Variants in C1QTNF3 observed in about 807,000 individuals in gnomAD.
C1QTNF3 encodes the protein complement C1q tumor necrosis factor-related protein 3.
In C1QTNF3, 26 loss-of-function variants were observed where a neutral mutation model predicts 32.6. That is an observed-to-expected ratio of 0.80 (90% CI 0.58 to 1.11). The LOEUF (loss-of-function observed/expected upper bound fraction) is 1.11. C1QTNF3 is among the 50% of genes least tolerant of loss of function. The pLI, the probability that C1QTNF3 is intolerant of heterozygous loss-of-function variation, is 0.00. For synonymous variants in C1QTNF3, 155 were observed against 146.0 expected, an observed-to-expected ratio of 1.06 and a Z score of -0.44; for missense variants, 362 against 398.2, an observed-to-expected ratio of 0.91 and a Z score of 0.77.
chr5:34,224,337 T>C, the C1QTNF3 span, among the ~76,000 whole-genome samples: 10 of 152,276 alleles, frequency 6.6e-5, no homozygotes, highest in African/African-American at 2.4e-4. Flanking sequence ...AGAGCCCGCA[T>C]CGCCAAGTCA....
chr5:34,154,620 A>T, the C1QTNF3 span, among the ~76,000 whole-genome samples: 3 of 152,304 alleles, frequency 2.0e-5, no homozygotes, highest in East Asian at 3.9e-4. Context: ...ACACATTTGA[A>T]ATGACTTTGT....
chr5:34,241,054 T>C, the C1QTNF3 span, among the ~76,000 whole-genome samples: 1 of 151,888 alleles, frequency 6.6e-6, no homozygotes, highest in Non-Finnish European at 1.5e-5. Flanking sequence ...GGAAAAGCTT[T>C]CAATTAAATC....
the C1QTNF3 span, among the ~76,000 whole-genome samples, chr5:34,154,944 C>A: frequency 6.6e-6 from 1 of 152,112 alleles, no homozygotes; most frequent in East Asian, 1.9e-4. Context: ...CAATGCTAAT[C>A]AATTTAAATA....
the C1QTNF3 span, among the ~76,000 whole-genome samples, chr5:34,240,918 C>G: frequency 2.6e-5 from 4 of 152,104 alleles, no homozygotes; most frequent in Non-Finnish European, 1.5e-5. Flanking sequence ...AAAAATTAAT[C>G]TACTATGACA....
the C1QTNF3 span, among the ~76,000 whole-genome samples, chr5:34,140,244 A>G: frequency 7.9e-5 from 12 of 152,326 alleles, no homozygotes; most frequent in African/African-American, 2.6e-4. Flanking sequence ...GGCAGACTGT[A>G]CCAGTAATTC....
At chr5:34,047,429 T>G (rs564543653), upstream of C1QTNF3, among the ~76,000 whole-genome samples, 23 of 152,276 alleles carry the variant, frequency 1.5e-4, 1 homozygote, top group South Asian at 4.3e-3. Context: ...TCCCCCATGG[T>G]GCTTCACTGT....
At chr5:34,095,092 G>C in the C1QTNF3 span, among the ~76,000 whole-genome samples, 5 of 151,606 alleles carry the variant, frequency 3.3e-5, no homozygotes, top group African/African-American at 1.2e-4. Flanking sequence ...AGTAGAATAG[G>C]GTGACTATAG....
chr5:34,021,048 T>C (rs840384), intron 5 of C1QTNF3, among the ~76,000 whole-genome samples: 64,462 of 152,040 alleles, frequency 0.42, 14,351 homozygotes, highest in South Asian at 0.65. Flanking sequence ...CTCTCTCTCT[T>C]CTCTGCTCCA....
the C1QTNF3 span, among the ~76,000 whole-genome samples, chr5:34,159,834 A>T: frequency 5.0e-5 from 7 of 139,146 alleles, no homozygotes; most frequent in East Asian, 7.9e-4. Context: ...TTAAAGCATT[A>T]AAAAAAAAAA....
chr5:34,030,062 C>A lies in C1QTNF3; in HGVS notation c.571-1179G>T, dbSNP rs1164020229. On this transcript the variant is annotated intron_variant, in intron 3 of 5. Transcript: ENST00000382065. ...TTGAAAAGGTAAAAAGGAGTGTTTGCAGTTATCTAAAATATAGAAAAATGG... is the reference window on the plus strand; with the variant it reads ...TTGAAAAGGTAAAAAGGAGTGTTTGAAGTTATCTAAAATATAGAAAAATGG... Among the ~76,000 whole-genome samples, 4 of 152,040 alleles carry A rather than the reference C, an allele frequency of 2.6e-5. 1 individual carries two copies. In the East Asian group the frequency reaches 7.7e-4, roughly 29 times the overall value.
the C1QTNF3 span, among the ~76,000 whole-genome samples, chr5:34,163,779 G>T: frequency 6.6e-6 from 1 of 152,080 alleles, no homozygotes; most frequent in Admixed American, 6.6e-5. Context: ...CACACATTTT[G>T]AATCAGTGAT....
At chr5:34,039,636 T>C (rs1260346881) in intron 1 of C1QTNF3, among the ~76,000 whole-genome samples, 1 of 152,222 alleles carries the variant, frequency 6.6e-6, no homozygotes, top group African/African-American at 2.4e-5. Context: ...CCATGCGGTA[T>C]GTGTGTTTCT....
chr5:34,039,472 T>C (rs1754816815), intron 1 of C1QTNF3, among the ~76,000 whole-genome samples: 1 of 152,230 alleles, frequency 6.6e-6, no homozygotes, highest in Admixed American at 6.5e-5. Flanking sequence ...ATTGAGGTTG[T>C]TGCAGACCCG....
At chr5:34,100,963 GC>G in the C1QTNF3 span, among the ~76,000 whole-genome samples, 2 of 151,844 alleles carry the variant, frequency 1.3e-5, no homozygotes, top group Non-Finnish European at 2.9e-5. Flanking sequence ...GGCTGGTGCT[GC>G]ATATTTGTTT....
the C1QTNF3 span, among the ~76,000 whole-genome samples, chr5:34,198,105 A>G: frequency 0.99 from 113,596 of 114,784 alleles, 56,263 homozygotes; most frequent in Non-Finnish European, 1. Context: ...GTGGTGGTGC[A>G]TACCTGTAGT....
At chr5:34,213,598 T>C in the C1QTNF3 span, among the ~76,000 whole-genome samples, 4 of 149,774 alleles carry the variant, frequency 2.7e-5, no homozygotes, top group South Asian at 2.1e-4. Context: ...CAAGATGCAT[T>C]AGAATTAATT....
the C1QTNF3 span, among the ~76,000 whole-genome samples, chr5:34,070,200 A>G: frequency 1.3e-5 from 2 of 152,058 alleles, no homozygotes; most frequent in Non-Finnish European, 2.9e-5. Context: ...TTCTTCTTCT[A>G]TCTCGTTGGA....
chr5:34,219,296 T>C, the C1QTNF3 span, among the ~76,000 whole-genome samples: 1 of 151,798 alleles, frequency 6.6e-6, no homozygotes, highest in Non-Finnish European at 1.5e-5. Flanking sequence ...CTATAAACTC[T>C]AAATGAAAAA....
the C1QTNF3 span, among the ~76,000 whole-genome samples, chr5:34,063,482 C>T: frequency 6.6e-6 from 1 of 151,690 alleles, no homozygotes; most frequent in African/African-American, 2.4e-5. Flanking sequence ...AGTCTAAGGC[C>T]CTGGCCAAGG....
Sources: gnomAD v4.1 joint callset for allele counts (sites outside exome capture counted in the v4.1 genomes callset) on GRCh38, gnomAD v4.1.1 for gene constraint, MANE v1.5 for transcripts, NCBI Gene and HGNC (gene_info 2026-07-23, HGNC 2026-07-21) for gene names.